The following ITGA6 variants were observed in gnomAD, a reference collection of about 807,000 sequenced individuals.
ITGA6 encodes integrin subunit alpha 6, also known as integrin alpha-6.
A neutral mutation model predicts 133.6 loss-of-function variants in ITGA6; 63 were observed. The ratio of observed to expected loss-of-function variants is 0.47; its 90% CI spans 0.38 to 0.58. The LOEUF (loss-of-function observed/expected upper bound fraction) is 0.58. Ranked by LOEUF, ITGA6 falls within the 20% of genes least tolerant of loss-of-function variation. ITGA6 has a pLI of 0.00. For missense variants in ITGA6, 1,068 were observed against 1,309.4 expected (o/e 0.82, Z 2.85); for synonymous variants, 434 against 482.0 (o/e 0.90, Z 1.30).
chr2:172,505,440 T>C lies in ITGA6; in HGVS notation c.*1372T>C, dbSNP rs1687519367. 6.6e-6 allele frequency: 1 copy of C among 152,224 alleles called. No homozygotes were observed. Among genetic ancestry groups the C allele is most frequent in the African/African-American group, 2.4e-5 (1 of 41,438 alleles). The allele number at this position is 152,224 out of a possible 1,614,324, so 9.4% of individuals were successfully genotyped here. A position where few individuals can be genotyped will look rare whatever the true frequency, so the allele number is the denominator to read the frequency against. ...TCGATGTTCTATTTTTTGTTTTGTT[T>C]CCTCCCCTATCTGTATTCCCAAAAA... is the stretch of plus-strand genomic sequence containing the variant. On this transcript the variant is annotated 3_prime_UTR_variant, in exon 26 of 26. Transcript: ENST00000684293.
Position 172,487,154 on chromosome 2 carries a change from TAGCACTAGCAAA to T in ITGA6, c.1970+18_1970+29del. 6.5e-7 allele frequency: 1 copy of T among 1,532,896 alleles called. No individual in the cohort carries two copies. The highest frequency in any genetic ancestry group is 9.0e-7 in the Non-Finnish European group (1 of 1,106,286). 95.0% of individuals were successfully genotyped at this position (1,532,896 alleles called of 1,614,324 possible). ...ATTTACCAATGTAAGAATCGTTGTG[TAGCACTAGCAAA>T]AATGATTCTGGCTTCATGGTGGCTT... is the stretch of plus-strand genomic sequence containing the variant. On this transcript the variant is annotated intron_variant, in intron 14 of 25. Coordinates refer to ENST00000684293, the MANE Select transcript of ITGA6 (RefSeq NM_000210.4).
intron 1 of ITGA6, among the ~76,000 whole-genome samples, chr2:172,451,216 G>A (rs1684983723): frequency 6.6e-6 from 1 of 151,596 alleles, no homozygotes; most frequent in African/African-American, 2.4e-5. Context: ...TGTAATCCCA[G>A]CACTTTGGGA....
intron 11 of ITGA6, among the ~76,000 whole-genome samples, chr2:172,484,340 T>C (rs1283162153): frequency 6.6e-6 from 1 of 150,812 alleles, no homozygotes; most frequent in Non-Finnish European, 1.5e-5. Context: ...GAGATGCTGC[T>C]GTTCTAGAGA....
In ITGA6 at chr2:172,476,487, C is replaced by G; in HGVS notation, c.1362C>G (p.Ser454=). 6.2e-7 allele frequency: 1 copy of G among 1,601,846 alleles called. No homozygotes were observed. Among genetic ancestry groups the G allele is most frequent in the Non-Finnish European group, 8.6e-7 (1 of 1,169,074 alleles). ...CCTACCCTGATGTTGCTGTTGGTTC[C>G]CTCTCAGATTCAGTAACTATTTTCA... is the stretch of plus-strand genomic sequence containing the variant. ...RNSYPDVAVG[S]LSDSVTIFRS... is the part of the protein sequence containing the mutation. The change falls in exon 9 of 26, where the codon TCC becomes TCG. Residue 454 remains serine, a synonymous_variant. Transcript: ENST00000684293.
intron 23 of ITGA6, among the ~76,000 whole-genome samples, chr2:172,496,839 C>T (rs12693003): frequency 0.19 from 29,189 of 151,972 alleles, 3,924 homozygotes; most frequent in African/African-American, 0.39. Context: ...GTTGGAATTG[C>T]CAGAAGCAGC....
chr2:172,482,582 A>C (rs1374426861), intron 11 of ITGA6, among the ~76,000 whole-genome samples: 1 of 152,032 alleles, frequency 6.6e-6, no homozygotes, highest in Non-Finnish European at 1.5e-5. Flanking sequence ...TTGGCAGATA[A>C]ACGGTTTTCC....
intron 1 of ITGA6, among the ~76,000 whole-genome samples, chr2:172,440,272 T>G (rs576662325): frequency 6.6e-6 from 1 of 152,330 alleles, no homozygotes; most frequent in African/African-American, 2.4e-5. Flanking sequence ...AAATGGATAT[T>G]CAGTAGGTAT....
intron 1 of ITGA6, among the ~76,000 whole-genome samples, chr2:172,433,781 G>A (rs1419429877): frequency 6.6e-6 from 1 of 152,188 alleles, no homozygotes; most frequent in African/African-American, 2.4e-5. Context: ...CAGTTGAAAA[G>A]TGCATCTCAG....
chr2:172,433,436 G>C (rs888014962), intron 1 of ITGA6, among the ~76,000 whole-genome samples: 3 of 152,180 alleles, frequency 2.0e-5, no homozygotes, highest in Non-Finnish European at 4.4e-5. Context: ...GAGCCAGGTA[G>C]GATCAAACCC....
intron 17 of ITGA6, 75 bp downstream of exon 17, chr2:172,487,882 T>C (rs1267400654): frequency 6.7e-7 from 1 of 1,486,642 alleles, no homozygotes; most frequent in Admixed American, 1.7e-5. Flanking sequence ...GGCCCTGATC[T>C]ACCTCATAAA....
In ITGA6 at chr2:172,484,770, A is replaced by C; in HGVS notation, c.1550-12A>C. The C allele has an allele frequency of 6.2e-7, 1 of 1,611,894 alleles. No homozygotes were observed. Among genetic ancestry groups the C allele is most frequent in the Non-Finnish European group, 8.5e-7 (1 of 1,178,012 alleles). ...AATGCACTTACGTTAATATGATTTT[A>C]ATTTTATCTAGCAATTGTGGGCACA... On this transcript the variant is annotated splice_polypyrimidine_tract_variant and intron_variant, in intron 11 of 25. Transcript: ENST00000684293.
intron 9 of ITGA6, among the ~76,000 whole-genome samples, chr2:172,477,091 C>T (rs1239078555): frequency 1.3e-5 from 2 of 149,426 alleles, no homozygotes; most frequent in East Asian, 1.9e-4. Flanking sequence ...TGGATGGTTA[C>T]GTTGCTTCGC....
intron 24 of ITGA6, 70 bp from the exon 25 acceptor site, chr2:172,501,702 T>G: frequency 3.6e-4 from 543 of 1,489,980 alleles, no homozygotes; most frequent in Middle Eastern, 7.5e-4. Flanking sequence ...GATTAAAATT[T>G]GAGATGTTCT....
At chr2:172,472,630 G>A in intron 5 of ITGA6, 1 of 617,322 alleles carries the variant, frequency 1.6e-6, no homozygotes, top group Non-Finnish European at 2.9e-6. Context: ...CGATCTGCTT[G>A]AGGTTTTGGA....
rs558990859 is a variant in ITGA6 at position 172,475,480 on chromosome 2, A to G, written c.1181-117A>G. 8.1e-4 allele frequency: 623 copies of G among 771,980 alleles called. 1 individual carries two copies. The highest frequency in any genetic ancestry group is 1.5e-3 in the Admixed American group (74 of 49,566). 47.8% of individuals were successfully genotyped at this position (771,980 alleles called of 1,614,324 possible). ...CTCCATCTCAAAAAAAACAAAAAAA[A>G]ACCCCGAAAAAGCCAAACAAATAAA... is the stretch of plus-strand genomic sequence containing the variant. On this transcript the variant is annotated intron_variant, in intron 7 of 25. Coordinates refer to ENST00000684293, the MANE Select transcript of ITGA6 (RefSeq NM_000210.4).
At chr2:172,471,602 TGGGACCCCATGTCACA>T (rs781273642) in intron 5 of ITGA6, among the ~76,000 whole-genome samples, 1 of 152,206 alleles carries the variant, frequency 6.6e-6, no homozygotes, top group Non-Finnish European at 1.5e-5. Flanking sequence ...GCTTCTGGAT[TGGGACCCCATGTCACA>T]GGGCCCCACA....
intron 13 of ITGA6, among the ~76,000 whole-genome samples, 189 bp from the exon 14 acceptor site, chr2:172,486,834 C>T (rs1686700854): frequency 6.6e-6 from 1 of 152,134 alleles, no homozygotes; most frequent in Admixed American, 6.5e-5. Context: ...TCAAAGTGTT[C>T]TTCAAACACA....
At position 172,462,441 on chromosome 2, in the gene ITGA6, G is replaced by A. The variant is rs375174718; in HGVS notation, c.183-3098G>A. On this transcript the variant is annotated intron_variant, in intron 1 of 25. Coordinates refer to ENST00000684293, the MANE Select transcript of ITGA6 (RefSeq NM_000210.4). ...TCTTGTCGTTTGCAGGTCTCTTTTC[G>A]AATCTGTTGTCCTTTTTCCCCAAAC... 2.6e-5 allele frequency among the ~76,000 whole-genome samples: 4 copies of A among 152,276 alleles called. 1 individual carries two copies. The highest frequency in any genetic ancestry group is 4.8e-5 in the African/African-American group (2 of 41,542).
chr2:172,447,110 T>C (rs962547414), intron 1 of ITGA6, among the ~76,000 whole-genome samples: 19 of 152,064 alleles, frequency 1.2e-4, no homozygotes, highest in African/African-American at 4.3e-4. Context: ...GTGGGCCAGG[T>C]TGGTCTCAAA....
Sources: allele counts gnomAD v4.1 joint callset (sites outside exome capture counted in the v4.1 genomes callset), GRCh38; gene constraint gnomAD v4.1.1; transcripts MANE v1.5; gene names NCBI Gene and HGNC (gene_info 2026-07-23, HGNC 2026-07-21).